Variants in BEND2 observed in about 807,000 individuals in gnomAD.
BEND2 encodes BEN domain containing 2.
In BEND2, 19 loss-of-function variants were observed where a neutral mutation model predicts 43.8. The ratio of observed to expected loss-of-function variants is 0.43; its 90% CI spans 0.30 to 0.64. BEND2 has a LOEUF of 0.64. Ranked by LOEUF, BEND2 falls within the 30% of genes least tolerant of loss-of-function variation. The pLI is 0.11. For synonymous variants in BEND2, 226 were observed against 210.1 expected, an observed-to-expected ratio of 1.08 and a Z score of -0.66; for missense variants, 544 against 574.0, an observed-to-expected ratio of 0.95 and a Z score of 0.53.
chrX:18,194,223 T>C (rs1245694535), intron 7 of BEND2, among the ~76,000 whole-genome samples: 1 of 111,810 alleles, frequency 8.9e-6, no homozygotes, highest in Admixed American at 9.6e-5. Context: ...TGGCAGTTTC[T>C]TATAAAACTA....
At position 18,195,301 on chromosome X, in the gene BEND2, T is replaced by C. The variant is rs761151687; in HGVS notation, c.1175A>G (p.Asn392Ser). 5.8e-6 allele frequency: 7 copies of C among 1,203,676 alleles called. No homozygotes were observed. The South Asian group carries it at 9.2e-5, about 16-fold the overall frequency. Reference sequence around the variant, plus strand: ...ATCCATTATTTCAAACTCACCAAAATTAGAAGTGATGGGAAGATATGAAGA... The same window carrying C: ...ATCCATTATTTCAAACTCACCAAAACTAGAAGTGATGGGAAGATATGAAGA... ...PASSYLPITSNFESGPQMSYG... is the reference protein window; with the variant it reads ...PASSYLPITSSFESGPQMSYG... Residue 392 changes from asparagine to serine, a missense_variant, in exon 7 of 14, where the codon AAT (asparagine) becomes AGT (serine). Asn to Ser is a conservative substitution (Grantham distance 46, BLOSUM62 1). Coordinates refer to ENST00000380033, the MANE Select transcript of BEND2 (RefSeq NM_153346.5).
chrX:18,174,361 T>C, intron 11 of BEND2, 103 bp from the exon 12 acceptor site: 1 of 698,609 alleles, frequency 1.4e-6, no homozygotes, highest in Non-Finnish European at 2.1e-6. Context: ...GGGAAGCAAC[T>C]GACTCTTTAA....
chrX:18,220,306 G>A (rs1925827507), intron 1 of BEND2, among the ~76,000 whole-genome samples: 2 of 112,285 alleles, frequency 1.8e-5, no homozygotes, highest in African/African-American at 3.2e-5. Context: ...GCCCGGCGTC[G>A]CGAGCGCCGA....
chrX:18,192,041 T>C (rs1449486615), intron 7 of BEND2, among the ~76,000 whole-genome samples: 4 of 112,051 alleles, frequency 3.6e-5, no homozygotes, highest in African/African-American at 1.3e-4. Context: ...GAATCTAGAT[T>C]AAATAGTGCT....
chrX:18,184,476 C>T (rs1046795857), intron 8 of BEND2, among the ~76,000 whole-genome samples: 5 of 111,404 alleles, frequency 4.5e-5, no homozygotes, highest in African/African-American at 1.6e-4. Context: ...AATGAGACTC[C>T]GTCTCAAAAA....
intron 9 of BEND2, among the ~76,000 whole-genome samples, chrX:18,179,966 T>C (rs1299174842): frequency 8.9e-6 from 1 of 112,171 alleles, no homozygotes; most frequent in African/African-American, 3.2e-5. Flanking sequence ...CACTTGAGGC[T>C]AGGAGTTTGA....
intron 8 of BEND2, among the ~76,000 whole-genome samples, chrX:18,190,105 T>C (rs1178421802): frequency 9.2e-6 from 1 of 108,699 alleles, no homozygotes; most frequent in African/African-American, 3.4e-5. Flanking sequence ...AGAAACTGAA[T>C]CACTCATACA....
chrX:18,179,785 A>G (rs923970735), intron 9 of BEND2, among the ~76,000 whole-genome samples: 1 of 112,487 alleles, frequency 8.9e-6, no homozygotes, highest in Non-Finnish European at 1.9e-5. Context: ...AACTGACTAT[A>G]AAATATTTGG....
At chrX:18,186,643 C>A (rs1212846567) in intron 8 of BEND2, among the ~76,000 whole-genome samples, 1 of 109,477 alleles carries the variant, frequency 9.1e-6, no homozygotes, top group Non-Finnish European at 1.9e-5. Context: ...TATTTGCAAA[C>A]CTCATGGTAA....
chrX:18,171,908 C>A (rs1242276498), intron 12 of BEND2, among the ~76,000 whole-genome samples: 1 of 111,380 alleles, frequency 9.0e-6, no homozygotes, highest in Admixed American at 9.6e-5. Context: ...TGTAGGTTTT[C>A]TATTTAGTAT....
At chrX:18,167,521 C>A (rs1173598572) in intron 13 of BEND2, among the ~76,000 whole-genome samples, 1 of 111,190 alleles carries the variant, frequency 9.0e-6, no homozygotes. Context: ...TCAGTTATAG[C>A]AAGAAAGATC....
Position 18,163,881 on chromosome X carries a change from A to G in BEND2, c.*1128T>C, listed in dbSNP as rs1923755860. On this transcript the variant is annotated 3_prime_UTR_variant, in exon 14 of 14. Transcript: ENST00000380033. ...ATTCTGTATTAGCTCTGTTACTAGT[A>G]GTTGTAAAAAACTTGTGAAACTGAA... 1 of 112,391 alleles carries G rather than the reference A, an allele frequency of 8.9e-6. No homozygotes were observed. Among genetic ancestry groups the G allele is most frequent in the South Asian group, 3.7e-4 (1 of 2,738 alleles). The allele number at this position is 112,391 out of a possible 1,213,427, so 9.3% of individuals were successfully genotyped here.
intron 8 of BEND2, among the ~76,000 whole-genome samples, chrX:18,186,051 T>C (rs1924558723): frequency 8.9e-6 from 1 of 111,928 alleles, no homozygotes; most frequent in South Asian, 3.7e-4. Context: ...TTACTGGTAA[T>C]AACAACACAC....
At chrX:18,207,244 T>C (rs1307683348) in intron 4 of BEND2, among the ~76,000 whole-genome samples, 1 of 112,412 alleles carries the variant, frequency 8.9e-6, no homozygotes. Context: ...ATATTTTAGC[T>C]CATTCCATTC....
At chrX:18,203,442 G>C (rs751070603) in intron 5 of BEND2, 59 bp downstream of exon 5, 49 of 1,075,331 alleles carry the variant, frequency 4.6e-5, no homozygotes, top group Admixed American at 1.1e-4. Context: ...TTGCATGAAG[G>C]GTGTTTTAAA....
intron 1 of BEND2, among the ~76,000 whole-genome samples, chrX:18,218,115 A>G (rs1231850358): frequency 1.8e-5 from 2 of 109,790 alleles, no homozygotes; most frequent in African/African-American, 6.6e-5. Context: ...ACAAAAAAGA[A>G]AGAAAGAACA....
At chrX:18,180,792 T>G in intron 8 of BEND2, 142 bp from the exon 9 acceptor site, 1 of 477,838 alleles carries the variant, frequency 2.1e-6, no homozygotes, top group Non-Finnish European at 3.4e-6. Flanking sequence ...TTTCTTTCTT[T>G]CTTTTTTTTT....
rs762959936 is a variant in BEND2, at chrX:18,177,921, G to C, written c.1430-152C>G. On this transcript the variant is annotated intron_variant, in intron 9 of 13. Transcript: ENST00000380033. ...ATTTCTAATTCATGAATTTCTACTT[G>C]GGTGAATTTTTTTTCTATGCTTATC... The C allele has an allele frequency of 1.1e-5, 6 of 561,451 alleles. No homozygotes were observed. In the East Asian group the frequency reaches 2.2e-4, roughly 20 times the overall value. 46.3% of individuals were successfully genotyped at this position (561,451 alleles called of 1,213,427 possible).
chrX:18,176,217 C>G (rs1924147674), intron 10 of BEND2, 124 bp from the exon 11 acceptor site: 1 of 521,252 alleles, frequency 1.9e-6, no homozygotes, highest in Non-Finnish European at 2.9e-6. Flanking sequence ...ACTCTGGTGA[C>G]TTCTTCTCTT....
Sources: gnomAD v4.1 joint callset for allele counts (sites outside exome capture counted in the v4.1 genomes callset) on GRCh38, gnomAD v4.1.1 for gene constraint, MANE v1.5 for transcripts, NCBI Gene and HGNC (gene_info 2026-07-23, HGNC 2026-07-21) for gene names.